Variants in PTPRT observed in about 807,000 individuals in gnomAD.
PTPRT encodes receptor-type tyrosine-protein phosphatase T.
In PTPRT, 56 loss-of-function variants were observed where a neutral mutation model predicts 176.8. That is an observed-to-expected ratio of 0.32 (90% CI 0.26 to 0.40). The LOEUF (loss-of-function observed/expected upper bound fraction) is 0.40. Ranked by LOEUF, PTPRT falls within the 10% of genes least tolerant of loss-of-function variation. The pLI is 1.00. For synonymous variants in PTPRT, 783 were observed against 739.0 expected, an observed-to-expected ratio of 1.06 and a Z score of -0.96; for missense variants, 1,540 against 1,908.2, an observed-to-expected ratio of 0.81 and a Z score of 3.60.
chr20:42,997,082 T>C (rs923128286), intron 1 of PTPRT, among the ~76,000 whole-genome samples: 1 of 152,180 alleles, frequency 6.6e-6, no homozygotes. Flanking sequence ...AAGCTTCCAT[T>C]TTCTCATCTG....
chr20:42,288,188 A>G (rs1199679465), intron 12 of PTPRT, among the ~76,000 whole-genome samples: 1 of 151,940 alleles, frequency 6.6e-6, no homozygotes, highest in Non-Finnish European at 1.5e-5. Flanking sequence ...TATGACCAGC[A>G]CCCAGATCAA....
chr20:42,898,316 C>T (rs549044614), intron 1 of PTPRT, among the ~76,000 whole-genome samples: 94 of 152,316 alleles, frequency 6.2e-4, no homozygotes, highest in Non-Finnish European at 1.1e-3. Context: ...TCAAGCAATC[C>T]TCCTGTGCCA....
intron 1 of PTPRT, among the ~76,000 whole-genome samples, chr20:42,903,581 G>C (rs1568671830): frequency 6.6e-6 from 1 of 152,224 alleles, no homozygotes; most frequent in African/African-American, 2.4e-5. Flanking sequence ...CATAAGTACA[G>C]TTGGTTGTCA....
intron 9 of PTPRT, among the ~76,000 whole-genome samples, chr20:42,381,065 C>T (rs752284610): frequency 1.3e-4 from 20 of 152,106 alleles, no homozygotes; most frequent in African/African-American, 4.6e-4. Flanking sequence ...AACTCACTAT[C>T]GGGACAACAG....
intron 16 of PTPRT, among the ~76,000 whole-genome samples, chr20:42,194,369 C>G (rs529272838): frequency 6.6e-6 from 1 of 152,234 alleles, no homozygotes; most frequent in Non-Finnish European, 1.5e-5. Context: ...ACCTTCCAGA[C>G]ATGGAATAAT....
chr20:42,175,927 T>C (rs73260972), intron 16 of PTPRT, among the ~76,000 whole-genome samples: 1 of 152,182 alleles, frequency 6.6e-6, no homozygotes, highest in Non-Finnish European at 1.5e-5. Flanking sequence ...AAGGAAGACA[T>C]CTCTGTCTGC....
chr20:42,341,788 A>T (rs2058114941), intron 11 of PTPRT, among the ~76,000 whole-genome samples: 1 of 152,186 alleles, frequency 6.6e-6, no homozygotes, highest in Admixed American at 6.5e-5. Context: ...TCATGCCAGT[A>T]ACAGTCCCTG....
rs141608247 is a variant in PTPRT, at chr20:42,766,391, A to G, written c.684+5044T>C. On this transcript the variant is annotated intron_variant, in intron 5 of 30. Transcript: ENST00000373187. ...TATAATTTTTTACTAGCCTTCTATC[A>G]TCCTTTTCCCTGATTCACTACAATT... 3.3e-5 allele frequency among the ~76,000 whole-genome samples: 5 copies of G among 152,304 alleles called. No homozygotes were observed. The East Asian group carries it at 9.6e-4, about 29-fold the overall frequency.
chr20:42,313,156 A>T (rs1213582564), intron 12 of PTPRT, among the ~76,000 whole-genome samples: 1 of 152,168 alleles, frequency 6.6e-6, no homozygotes, highest in Non-Finnish European at 1.5e-5. Context: ...TCATCAGGAC[A>T]GTTTACAAAT....
chr20:42,574,378 A>T (rs147660920), intron 7 of PTPRT, among the ~76,000 whole-genome samples: 1 of 152,322 alleles, frequency 6.6e-6, no homozygotes, highest in East Asian at 1.9e-4. Flanking sequence ...TTAAAAAGAA[A>T]GTGTCCAAAG....
chr20:42,334,276 A>G (rs1352711848), intron 11 of PTPRT, among the ~76,000 whole-genome samples: 1 of 152,118 alleles, frequency 6.6e-6, no homozygotes, highest in African/African-American at 2.4e-5. Flanking sequence ...CCCACTCACT[A>G]ACTAGATGCC....
At chr20:42,520,802 CATAT>C (rs58797064) in intron 7 of PTPRT, among the ~76,000 whole-genome samples, 1 of 141,730 alleles carries the variant, frequency 7.1e-6, no homozygotes. Flanking sequence ...CTTGGAAAGA[CATAT>C]ATATATATAT....
In PTPRT at chr20:43,014,721, C is replaced by T. The variant is rs548175079; in HGVS notation, c.89-128789G>A. Among the ~76,000 whole-genome samples the T allele has an allele frequency of 2.0e-5, 3 of 152,244 alleles. No homozygotes were observed. The South Asian group carries it at 6.2e-4, about 32-fold the overall frequency. On this transcript the variant is annotated intron_variant, in intron 1 of 30. Transcript: ENST00000373187. Reference sequence around the variant, plus strand: ...ACAGAGAAATTAAAACAGGCTTAATCGAGCAGTGTTTGTGCATATTAATGA... The same window carrying T: ...ACAGAGAAATTAAAACAGGCTTAATTGAGCAGTGTTTGTGCATATTAATGA...
chr20:42,351,960 A>T, intron 10 of PTPRT, 124 bp downstream of exon 10: 1 of 831,692 alleles, frequency 1.2e-6, no homozygotes, highest in Non-Finnish European at 1.9e-6. Context: ...CTCACTAGGG[A>T]CTGGATCGTC....
chr20:42,858,760 G>T (rs1202450974), intron 2 of PTPRT, among the ~76,000 whole-genome samples: 9 of 152,232 alleles, frequency 5.9e-5, no homozygotes, highest in Non-Finnish European at 1.2e-4. Context: ...TGGACTGACA[G>T]ATGTCAAGGG....
intron 11 of PTPRT, among the ~76,000 whole-genome samples, chr20:42,350,226 T>TG (rs762596591): frequency 0.016 from 1,377 of 88,166 alleles, 37 homozygotes; most frequent in African/African-American, 0.057. Flanking sequence ...TTTTTTTTTT[T>TG]TTTTTTTTTT....
At chr20:43,146,666 C>A (rs1255282552) in intron 1 of PTPRT, among the ~76,000 whole-genome samples, 2 of 152,128 alleles carry the variant, frequency 1.3e-5, no homozygotes, top group Non-Finnish European at 2.9e-5. Flanking sequence ...ACTGAGCATG[C>A]CACTAGGGAA....
At chr20:43,101,990 C>T (rs978779356) in intron 1 of PTPRT, among the ~76,000 whole-genome samples, 19 of 152,158 alleles carry the variant, frequency 1.2e-4, no homozygotes, top group Non-Finnish European at 2.2e-4. Context: ...TGGTAAAGAC[C>T]TATTCATCAT....
chr20:42,665,090 T>A (rs1405079212), intron 7 of PTPRT, among the ~76,000 whole-genome samples: 2 of 151,858 alleles, frequency 1.3e-5, no homozygotes, highest in Non-Finnish European at 2.9e-5. Context: ...AAAGCCAAAA[T>A]TGACAAATGG....
Sources: gnomAD v4.1 joint callset for allele counts (sites outside exome capture counted in the v4.1 genomes callset) on GRCh38, gnomAD v4.1.1 for gene constraint, MANE v1.5 for transcripts, NCBI Gene and HGNC (gene_info 2026-07-23, HGNC 2026-07-21) for gene names.